Variants in SLC4A7 observed in about 807,000 individuals in gnomAD.
SLC4A7 encodes sodium bicarbonate cotransporter 3.
In SLC4A7, 51 loss-of-function variants were observed where a neutral mutation model predicts 137.6. The ratio of observed to expected loss-of-function variants is 0.37; its 90% CI spans 0.30 to 0.47. The LOEUF (loss-of-function observed/expected upper bound fraction) is 0.47, where lower values mean the gene tolerates loss of function less well. Ranked by LOEUF, SLC4A7 falls within the 20% of genes least tolerant of loss-of-function variation. SLC4A7 has a pLI of 1.00. For missense variants in SLC4A7, 1,247 were observed against 1,525.4 expected (o/e 0.82, Z 3.04); for synonymous variants, 542 against 518.6 (o/e 1.05, Z -0.61).
intron 20 of SLC4A7, among the ~76,000 whole-genome samples, chr3:27,392,629 C>T (rs1339755534): frequency 6.6e-6 from 1 of 151,982 alleles, no homozygotes; most frequent in Admixed American, 6.6e-5. Flanking sequence ...AGTTCGAGAC[C>T]AACCTGGCTA....
rs1376822997 is a variant in SLC4A7, at chr3:27,403,127, A to T, written c.2321+12T>A. 5 of 1,588,868 alleles carry T rather than the reference A, an allele frequency of 3.1e-6. No individual in the cohort carries two copies. Among genetic ancestry groups the T allele is most frequent in the Non-Finnish European group, 4.3e-6 (5 of 1,172,208 alleles). On this transcript the variant is annotated intron_variant, in intron 15 of 25. Coordinates refer to ENST00000454389, the MANE Select transcript of SLC4A7 (RefSeq NM_001321103.2). The stretch of plus-strand genomic sequence containing the variant: ...ACACATTTTAATATTAGGAGAAAAG[A>T]GAAATACTTACGAGTAGCTGGTCAG...
At chr3:27,383,055 T>C in intron 24 of SLC4A7, 98 bp downstream of exon 24, 1 of 750,812 alleles carries the variant, frequency 1.3e-6, no homozygotes, top group Non-Finnish European at 2.2e-6. Flanking sequence ...GTATCATCTT[T>C]TATAAAATAG....
At chr3:27,412,625 A>G (rs2054013564) in intron 11 of SLC4A7, among the ~76,000 whole-genome samples, 1 of 152,216 alleles carries the variant, frequency 6.6e-6, no homozygotes, top group Admixed American at 6.5e-5. Flanking sequence ...CTTACATCTT[A>G]AAGAGGAAAG....
chr3:27,412,579 C>T (rs1408935066), intron 11 of SLC4A7, among the ~76,000 whole-genome samples: 4 of 152,036 alleles, frequency 2.6e-5, no homozygotes, highest in African/African-American at 4.8e-5. Flanking sequence ...CATTTGAAAA[C>T]GTCAAAATCT....
rs1208682253 is a variant in SLC4A7, at chr3:27,374,449, A to C, written c.*2315T>G. 1 of 152,532 alleles carries C rather than the reference A, an allele frequency of 6.6e-6. No individual in the cohort carries two copies. The highest frequency in any genetic ancestry group is 1.9e-4 in the East Asian group (1 of 5,200). 9.4% of individuals were successfully genotyped at this position (152,532 alleles called of 1,614,324 possible). ...AAATTATATCTGTCACTGTCTCTCA[A>C]TGAATGCTATCTTTGATTATTTTTC... is the stretch of plus-strand genomic sequence containing the variant. On this transcript the variant is annotated 3_prime_UTR_variant, in exon 26 of 26. Transcript: ENST00000454389.
chr3:27,457,663 TG>T (rs1559818761), intron 1 of SLC4A7, among the ~76,000 whole-genome samples: 2 of 152,308 alleles, frequency 1.3e-5, no homozygotes, highest in East Asian at 3.9e-4. Context: ...GCACTTTGAA[TG>T]GATCTCTCAC....
chr3:27,461,640 A>G (rs2058704807), intron 1 of SLC4A7, among the ~76,000 whole-genome samples: 1 of 151,728 alleles, frequency 6.6e-6, no homozygotes, highest in African/African-American at 2.4e-5. Flanking sequence ...ATAAAAAGGA[A>G]AAATGGTATA....
At chr3:27,446,397 C>A (rs2057639542) in intron 3 of SLC4A7, among the ~76,000 whole-genome samples, 1 of 152,092 alleles carries the variant, frequency 6.6e-6, no homozygotes, top group African/African-American at 2.4e-5. Flanking sequence ...ACAAAAACTT[C>A]AGGGACATAA....
chr3:27,390,287 G>T, intron 21 of SLC4A7, 183 bp from the exon 22 acceptor site: 1 of 419,226 alleles, frequency 2.4e-6, no homozygotes, highest in Non-Finnish European at 4.3e-6. Flanking sequence ...GGTGGGGGAG[G>T]GTGGCAGGTG....
At chr3:27,460,621 TTGTC>T (rs1178544625) in intron 1 of SLC4A7, among the ~76,000 whole-genome samples, 5 of 152,340 alleles carry the variant, frequency 3.3e-5, no homozygotes, top group African/African-American at 9.6e-5. Context: ...TTCCCCTAGT[TTGTC>T]TGAGTGATGT....
chr3:27,450,953 G>A (rs1353193001), intron 2 of SLC4A7, among the ~76,000 whole-genome samples: 1 of 152,040 alleles, frequency 6.6e-6, no homozygotes, highest in Non-Finnish European at 1.5e-5. Context: ...TCCAGGTTAT[G>A]TATAGGTGAG....
At chr3:27,447,705 C>T (rs1029180082) in intron 3 of SLC4A7, among the ~76,000 whole-genome samples, 3 of 137,298 alleles carry the variant, frequency 2.2e-5, no homozygotes, top group Non-Finnish European at 4.5e-5. Context: ...TAAAACATGG[C>T]TATCTATGCT....
intron 16 of SLC4A7, among the ~76,000 whole-genome samples, chr3:27,398,877 C>T (rs202132105): frequency 2.3e-4 from 35 of 152,194 alleles, no homozygotes; most frequent in East Asian, 9.7e-4. Flanking sequence ...TCAGTACCTT[C>T]AGACTAAAAG....
intron 2 of SLC4A7, 114 bp from the exon 3 acceptor site, chr3:27,448,911 A>G: frequency 4.7e-6 from 3 of 635,094 alleles, no homozygotes; most frequent in Non-Finnish European, 4.9e-6. Context: ...GTAATTAACA[A>G]TGGTAGTCTC....
chr3:27,389,976 TA>T lies in SLC4A7; in HGVS notation c.3314del (p.Leu1105TyrfsTer3). Reference protein sequence around the residue: ...TVIQLTCLVLLWVIKVSAAAV... With the variant: ...TVIQLTCLVLXWVIKVSAAAV... ...CAGCAGCTGAAACTTTTATCACCCATAAAAGGACCAAACAAGTAAGCTGAAT... is the reference window on the plus strand; with the variant it reads ...CAGCAGCTGAAACTTTTATCACCCATAAAGGACCAAACAAGTAAGCTGAAT... On this transcript the variant is annotated frameshift_variant, in exon 22 of 26. Transcript: ENST00000454389. LOFTEE classifies it high-confidence loss of function. 6.2e-7 allele frequency: 1 copy of T among 1,613,990 alleles called. No individual in the cohort carries two copies. The highest frequency in any genetic ancestry group is 8.5e-7 in the Non-Finnish European group (1 of 1,179,936).
chr3:27,388,864 T>C (rs1471143505), intron 22 of SLC4A7, among the ~76,000 whole-genome samples: 1 of 113,740 alleles, frequency 8.8e-6, no homozygotes, highest in Non-Finnish European at 2.4e-5. Context: ...AATACTCTCG[T>C]GACCTATAAA....
chr3:27,394,730 CG>C lies in SLC4A7; in HGVS notation c.2904del (p.Val969LeufsTer22). 6.2e-7 allele frequency: 1 copy of C among 1,614,160 alleles called. No homozygotes were observed. The highest frequency in any genetic ancestry group is 1.1e-5 in the South Asian group (1 of 91,080). ...AGYHLDLLMVGVMLGVCSVMG... is the reference protein window; with the variant it reads ...AGYHLDLLMVXVMLGVCSVMG... Reference sequence around the variant, plus strand: ...ATGACAGAGCAAACTCCCAACATAACGCCAACCATGAGCAAATCAAGGTGAT... The same window carrying C: ...ATGACAGAGCAAACTCCCAACATAACCCAACCATGAGCAAATCAAGGTGAT... On this transcript the variant is annotated frameshift_variant, in exon 20 of 26. Coordinates refer to ENST00000454389, the MANE Select transcript of SLC4A7 (RefSeq NM_001321103.2). LOFTEE classifies it high-confidence loss of function.
intron 8 of SLC4A7, 128 bp downstream of exon 8, chr3:27,423,909 A>G (rs2055265863): frequency 1.7e-6 from 1 of 598,466 alleles, no homozygotes; most frequent in Non-Finnish European, 2.9e-6. Flanking sequence ...CAGACATCAC[A>G]TGCAGGTTTG....
chr3:27,454,612 T>C (rs2058294132), intron 1 of SLC4A7, among the ~76,000 whole-genome samples: 1 of 152,176 alleles, frequency 6.6e-6, no homozygotes. Context: ...ATAATTTCCA[T>C]CCATCAACCA....
Sources: gnomAD v4.1 joint callset for allele counts (sites outside exome capture counted in the v4.1 genomes callset) on GRCh38, gnomAD v4.1.1 for gene constraint, MANE v1.5 for transcripts, NCBI Gene and HGNC (gene_info 2026-07-23, HGNC 2026-07-21) for gene names.